SAA1: variants seen among roughly 807,000 people sequenced by gnomAD.
SAA1 encodes serum amyloid A1.
Under a neutral mutation model 9.8 loss-of-function variants are expected in SAA1, and 4 were observed. That is an observed-to-expected ratio of 0.41 (90% CI 0.20 to 0.93). SAA1 has a LOEUF of 0.93. SAA1 is among the 40% of genes least tolerant of loss of function. The probability of loss-of-function intolerance (pLI) is 0.33; values close to 1 mark genes in which losing one functional copy is unlikely to be tolerated. For synonymous variants in SAA1, 47 were observed against 57.7 expected, an observed-to-expected ratio of 0.82 and a Z score of 0.84; for missense variants, 114 against 155.5, an observed-to-expected ratio of 0.73 and a Z score of 1.42.
chr11:18,269,595 C>A, intron 3 of SAA1, 122 bp from the exon 4 acceptor site: 1 of 1,456,292 alleles, frequency 6.9e-7, no homozygotes, highest in Non-Finnish European at 9.4e-7. Flanking sequence ...TGTTTTCATC[C>A]CTCCTTCCTT....
intron 2 of SAA1, among the ~76,000 whole-genome samples, chr11:18,267,588 T>G (rs1384554534): frequency 7.7e-6 from 1 of 129,984 alleles, no homozygotes; most frequent in Non-Finnish European, 1.7e-5. Flanking sequence ...GATTTCCTAG[T>G]TGGATAATGT....
chr11:18,267,942 C>T (rs2134166045), intron 2 of SAA1, among the ~76,000 whole-genome samples: 1 of 151,582 alleles, frequency 6.6e-6, no homozygotes, highest in African/African-American at 2.4e-5. Context: ...CACTGACCAC[C>T]TCCTAGAGGT....
intron 2 of SAA1, among the ~76,000 whole-genome samples, chr11:18,268,845 A>AAAG (rs1210806601): frequency 6.6e-4 from 11 of 16,662 alleles, no homozygotes. Context: ...AAAAAAAAAA[A>AAAG]AAAAAAAAAA....
In SAA1 at chr11:18,269,615, G is replaced by A. The variant is rs922418266; in HGVS notation, c.231-102G>A. The A allele has an allele frequency of 2.6e-6, 4 of 1,513,152 alleles. No individual in the cohort carries two copies. The African/African-American group carries it at 5.5e-5, about 21-fold the overall frequency. 93.7% of individuals were successfully genotyped at this position (1,513,152 alleles called of 1,614,324 possible). A position where few individuals can be genotyped will look rare whatever the true frequency, so the allele number is the denominator to read the frequency against. On this transcript the variant is annotated intron_variant, in intron 3 of 3. Coordinates refer to ENST00000356524, the MANE Select transcript of SAA1 (RefSeq NM_199161.5). ...TCATCCCTCCTTCCTTGGCCTTTCT[G>A]GGCTCCTCTCTGAGCCCTCCCTTGG...
At position 18,269,767 on chromosome 11, in the gene SAA1, C is replaced by T. The variant is rs150951768; in HGVS notation, c.281C>T (p.Ser94Leu). 29 of 1,613,906 alleles carry T rather than the reference C, an allele frequency of 1.8e-5. No individual in the cohort carries two copies. The highest frequency in any genetic ancestry group is 3.3e-4 in the Middle Eastern group (2 of 6,080). The change falls in exon 4 of 4, where the codon TCG becomes TTG. Residue 94 changes from serine to leucine, a missense_variant. Ser to Leu is a moderately radical substitution (Grantham distance 145). Around this residue, in one of 2 missense-constraint regions of SAA1, gnomAD observed 68 missense variants for 54.7 expected, o/e 1.24. Transcript: ENST00000356524. ...QRFFGHGAED[S>L]LADQAANEWG... The stretch of plus-strand genomic sequence containing the variant: ...TTCTTTGGCCATGGTGCGGAGGACT[C>T]GCTGGCTGATCAGGCTGCCAATGAA...
At chr11:18,268,941 C>T (rs1228447399) in intron 2 of SAA1, among the ~76,000 whole-genome samples, 1 of 151,786 alleles carries the variant, frequency 6.6e-6, no homozygotes, top group Non-Finnish European at 1.5e-5. Flanking sequence ...CATGTCACTA[C>T]CTCATTCATA....
rs150951768 is a variant in SAA1 at position 18,269,767 on chromosome 11, C to A, written c.281C>A (p.Ser94Ter). 1.3e-5 allele frequency: 21 copies of A among 1,613,906 alleles called. No homozygotes were observed. The highest frequency in any genetic ancestry group is 1.8e-5 in the Non-Finnish European group (21 of 1,179,934). ...QRFFGHGAEDSLADQAANEWG... is the reference protein window; with the variant it reads ...QRFFGHGAED Reference sequence around the variant, plus strand: ...TTCTTTGGCCATGGTGCGGAGGACTCGCTGGCTGATCAGGCTGCCAATGAA... The same window carrying A: ...TTCTTTGGCCATGGTGCGGAGGACTAGCTGGCTGATCAGGCTGCCAATGAA... Residue 94 changes from serine to a stop codon, truncating the protein, a stop_gained, in exon 4 of 4, where the codon TCG becomes TAG. Transcript: ENST00000356524. LOFTEE classifies it low-confidence loss of function (END_TRUNC).
At chr11:18,268,956 C>T (rs1466642361) in intron 2 of SAA1, among the ~76,000 whole-genome samples, 1 of 151,654 alleles carries the variant, frequency 6.6e-6, no homozygotes, top group African/African-American at 2.4e-5. Context: ...TTCATACACA[C>T]TCCTGGATCT....
Position 18,269,268 on chromosome 11 carries a change from T to C in SAA1, c.165T>C (p.His55=), listed in dbSNP as rs1858140124. Reference sequence around the variant, plus strand: ...ACATCGGCTCAGACAAATACTTCCATGCTCGGGGGAACTATGATGCTGCCA... The same window carrying C: ...ACATCGGCTCAGACAAATACTTCCACGCTCGGGGGAACTATGATGCTGCCA... ...ANYIGSDKYF[H]ARGNYDAAKR... The change falls in exon 3 of 4, where the codon CAT becomes CAC. Residue 55 remains histidine (H), a synonymous_variant. Transcript: ENST00000356524. 6.9e-6 allele frequency: 11 copies of C among 1,596,354 alleles called. No individual in the cohort carries two copies. In the East Asian group the frequency reaches 2.2e-4, roughly 33 times the overall value.
chr11:18,266,929 G>C lies in SAA1; in HGVS notation c.42G>C (p.Leu14=), dbSNP rs916757268. The change falls in exon 2 of 4, where the codon CTG becomes CTC. Residue 14 remains leucine, a synonymous_variant. Coordinates refer to ENST00000356524, the MANE Select transcript of SAA1 (RefSeq NM_199161.5). ...LTGLVFCSLV[L]GVSSRSFFSF... ...GCCTGGTTTTCTGCTCCTTGGTCCT[G>C]GGTGTCAGCAGCCGAAGCTTCTTTT... The C allele has an allele frequency of 6.2e-7, 1 of 1,612,306 alleles. No homozygotes were observed. Among genetic ancestry groups the C allele is most frequent in the Non-Finnish European group, 8.5e-7 (1 of 1,179,658 alleles).
chr11:18,269,643 C>A, intron 3 of SAA1, 74 bp from the exon 4 acceptor site: 1 of 1,570,338 alleles, frequency 6.4e-7, no homozygotes. Context: ...TCCCTTGGAA[C>A]AGGGAGAATG....
At chr11:18,268,463 A>G (rs1858101080) in intron 2 of SAA1, among the ~76,000 whole-genome samples, 4 of 152,212 alleles carry the variant, frequency 2.6e-5, no homozygotes, top group South Asian at 4.1e-4. Context: ...GCCTACTAAG[A>G]AAGTATTTAG....
rs183651163 is a variant in SAA1 at position 18,269,053 on chromosome 11, C to T, written c.92-142C>T. The T allele has an allele frequency of 1.8e-5, 15 of 843,086 alleles. No individual in the cohort carries two copies. The Admixed American group carries it at 2.3e-4, about 13-fold the overall frequency. The allele number at this position is 843,086 out of a possible 1,614,324, so 52.2% of individuals were successfully genotyped here. ...TAGGATAAAGGAATGTGCTTCTCAA[C>T]CCATGGTATCCAAGGCTGCTATGAT... On this transcript the variant is annotated intron_variant, in intron 2 of 3. Transcript: ENST00000356524.
rs771332080 is a variant in SAA1 at position 18,269,722 on chromosome 11, C to A, written c.236C>A (p.Ala79Asp). ...GAWAAEVITD[A>D]RENIQRFFGH... ...CTTGCCTGCCTTGATTACAGCGATG[C>A]CAGAGAGAATATCCAGAGATTCTTT... Residue 79 changes from alanine to aspartate, a missense_variant, in exon 4 of 4, where the codon GCC (alanine) becomes GAC (aspartate). By Grantham distance (126) the Ala-to-Asp change is moderately radical. Transcript: ENST00000356524. 9.3e-6 allele frequency: 15 copies of A among 1,613,776 alleles called. No individual in the cohort carries two copies. The highest frequency in any genetic ancestry group is 6.8e-6 in the Non-Finnish European group (8 of 1,179,826).
At position 18,266,887 on chromosome 11, in the gene SAA1, C is replaced by G. The variant is rs777924672; in HGVS notation, c.-1C>G. The G allele has an allele frequency of 1.9e-6, 3 of 1,612,322 alleles. No homozygotes were observed. The highest frequency in any genetic ancestry group is 2.5e-6 in the Non-Finnish European group (3 of 1,179,614). On this transcript the variant is annotated 5_prime_UTR_variant, in exon 2 of 4. Coordinates refer to ENST00000356524, the MANE Select transcript of SAA1 (RefSeq NM_199161.5). ...CTGACTTCTCCTTTCATTTCAGCAC[C>G]ATGAAGCTTCTCACGGGCCTGGTTT...
chr11:18,268,831 TAAA>T (rs371021832), intron 2 of SAA1, among the ~76,000 whole-genome samples: 7 of 110,592 alleles, frequency 6.3e-5, no homozygotes, highest in African/African-American at 2.1e-4. Flanking sequence ...AGACTCTGTC[TAAA>T]AAAAAAAAAA....
rs1432367353 is a variant in SAA1, at chr11:18,269,736, C to T, written c.250C>T (p.Gln84Ter). 2 of 1,613,876 alleles carry T rather than the reference C, an allele frequency of 1.2e-6. No individual in the cohort carries two copies. The highest frequency in any genetic ancestry group is 2.7e-5 in the African/African-American group (2 of 74,930). Reference protein sequence around the residue: ...EVITDARENIQRFFGHGAEDS... With the variant: ...EVITDARENI ...TTACAGCGATGCCAGAGAGAATATCCAGAGATTCTTTGGCCATGGTGCGGA... is the reference window on the plus strand; with the variant it reads ...TTACAGCGATGCCAGAGAGAATATCTAGAGATTCTTTGGCCATGGTGCGGA... Residue 84 changes from glutamine to a stop codon, truncating the protein, a stop_gained, in exon 4 of 4, where the codon CAG (glutamine) becomes TAG (stop). Coordinates refer to ENST00000356524, the MANE Select transcript of SAA1 (RefSeq NM_199161.5). LOFTEE classifies it low-confidence loss of function (END_TRUNC).
At chr11:18,268,876 T>C (rs1381839449) in intron 2 of SAA1, among the ~76,000 whole-genome samples, 2 of 130,526 alleles carry the variant, frequency 1.5e-5, no homozygotes, top group African/African-American at 6.0e-5. Context: ...ATATAAACTT[T>C]AGTAGTCAGG....
chr11:18,266,591 T>C (rs996399149), intron 1 of SAA1: 1 of 411,824 alleles, frequency 2.4e-6, no homozygotes, highest in Non-Finnish European at 4.5e-6. Context: ...ACACGGTAAA[T>C]GCGTTATGGG....
Sources: gnomAD v4.1 joint callset for allele counts (sites outside exome capture counted in the v4.1 genomes callset) on GRCh38, gnomAD v4.1.1 for gene constraint, gnomAD v4.1.1 regional missense constraint, MANE v1.5 for transcripts, NCBI Gene and HGNC (gene_info 2026-07-23, HGNC 2026-07-21) for gene names.